FYB1: variants seen among roughly 807,000 people sequenced by gnomAD.
FYB1 encodes the protein FYN-binding protein 1.
A neutral mutation model predicts 94.1 loss-of-function variants in FYB1; 41 were observed. The observed-to-expected ratio is 0.44, with a 90% CI of 0.34 to 0.57. The LOEUF (loss-of-function observed/expected upper bound fraction) is 0.57, where lower values mean the gene tolerates loss of function less well. Among genes scored for constraint, FYB1 ranks in the 20% least tolerant of loss-of-function variants. The pLI, the probability that FYB1 is intolerant of heterozygous loss-of-function variation, is 0.02. For synonymous variants in FYB1, 367 were observed against 353.2 expected, an observed-to-expected ratio of 1.04 and a Z score of -0.44; for missense variants, 1,050 against 976.8, an observed-to-expected ratio of 1.07 and a Z score of -1.00.
chr5:39,199,999 G>A (rs1166275542), intron 2 of FYB1, among the ~76,000 whole-genome samples: 1 of 152,212 alleles, frequency 6.6e-6, no homozygotes, highest in Non-Finnish European at 1.5e-5. Context: ...ATTTGTGGAA[G>A]AGGTGAATGA....
intron 1 of FYB1, among the ~76,000 whole-genome samples, chr5:39,268,425 T>A (rs1752526414): frequency 6.6e-6 from 1 of 152,020 alleles, no homozygotes; most frequent in African/African-American, 2.4e-5. Context: ...TTTATAGAGA[T>A]GACATCTTGC....
intron 1 of FYB1, among the ~76,000 whole-genome samples, chr5:39,204,597 G>GA (rs1748678454): frequency 6.6e-6 from 1 of 152,178 alleles, no homozygotes. Flanking sequence ...GGGCTCTGAA[G>GA]TCCAGAAAAT....
chr5:39,249,674 A>T (rs757892313), intron 1 of FYB1, among the ~76,000 whole-genome samples: 37 of 152,162 alleles, frequency 2.4e-4, no homozygotes, highest in Non-Finnish European at 3.2e-4. Flanking sequence ...AGAGAAAATG[A>T]TGTGTATGTG....
At chr5:39,197,845 G>A (rs924369368) in intron 2 of FYB1, among the ~76,000 whole-genome samples, 3 of 152,152 alleles carry the variant, frequency 2.0e-5, no homozygotes, top group South Asian at 2.1e-4. Flanking sequence ...GCATCTGAGC[G>A]CAGAAATTTC....
chr5:39,233,846 A>T (rs1452792754), intron 1 of FYB1, among the ~76,000 whole-genome samples: 2 of 152,134 alleles, frequency 1.3e-5, no homozygotes, highest in Admixed American at 1.3e-4. Context: ...GTATCTAGAA[A>T]ATTCCACTGA....
At chr5:39,272,329 T>C (rs775219890) in intron 1 of FYB1, among the ~76,000 whole-genome samples, 63 of 152,258 alleles carry the variant, frequency 4.1e-4, no homozygotes, top group Non-Finnish European at 6.8e-4. Flanking sequence ...CACTGTTCTC[T>C]ACTAAGTTAA....
At chr5:39,131,651 T>A (rs1379183579) in intron 9 of FYB1, among the ~76,000 whole-genome samples, 1 of 152,224 alleles carries the variant, frequency 6.6e-6, no homozygotes, top group Non-Finnish European at 1.5e-5. Flanking sequence ...GAAGTTGCAG[T>A]ACACTGTCTG....
intron 1 of FYB1, among the ~76,000 whole-genome samples, chr5:39,257,793 A>C (rs1448365988): frequency 6.6e-6 from 1 of 150,986 alleles, no homozygotes; most frequent in Non-Finnish European, 1.5e-5. Context: ...GGATGTTTCA[A>C]TCATTTGGAG....
rs112290344 is a variant in FYB1 at position 39,202,812 on chromosome 5, C to T, written c.149G>A (p.Gly50Glu). The T allele has an allele frequency of 3.1e-6, 5 of 1,613,912 alleles. No homozygotes were observed. Among genetic ancestry groups the T allele is most frequent in the African/African-American group, 1.3e-5 (1 of 75,010 alleles). Residue 50 changes from glycine to glutamate, a missense_variant, in exon 2 of 19, where the codon GGA (glycine) becomes GAA (glutamate). Coordinates refer to ENST00000512982, the MANE Select transcript of FYB1 (RefSeq NM_001465.6). ...NNQGNASPPA[G>E]PSNVPKFGSP... is the part of the protein sequence containing the mutation. ...CCCAAACTTAGGTACATTGCTGGGTCCTGCAGGAGGGCTGGCATTTCCTTG... is the reference window on the plus strand; with the variant it reads ...CCCAAACTTAGGTACATTGCTGGGTTCTGCAGGAGGGCTGGCATTTCCTTG...
At chr5:39,264,776 T>C (rs891511442) in intron 1 of FYB1, among the ~76,000 whole-genome samples, 4 of 152,172 alleles carry the variant, frequency 2.6e-5, no homozygotes, top group Admixed American at 6.5e-5. Flanking sequence ...TAAGCTGCTG[T>C]AGTGATTCCC....
intron 1 of FYB1, among the ~76,000 whole-genome samples, chr5:39,272,024 T>C (rs1752682173): frequency 6.6e-6 from 1 of 151,774 alleles, no homozygotes; most frequent in Admixed American, 6.6e-5. Context: ...AAAGTGCAGA[T>C]ACAGCTTAGG....
chr5:39,261,075 A>T (rs1467716321), intron 1 of FYB1, among the ~76,000 whole-genome samples: 1 of 152,082 alleles, frequency 6.6e-6, no homozygotes. Flanking sequence ...CAATCACAGG[A>T]ACAGAAAACC....
intron 2 of FYB1, among the ~76,000 whole-genome samples, chr5:39,176,457 A>G (rs1418321984): frequency 6.6e-6 from 1 of 152,010 alleles, no homozygotes; most frequent in East Asian, 1.9e-4. Context: ...GCCCCAAGTC[A>G]TTTTTATATT....
intron 2 of FYB1, among the ~76,000 whole-genome samples, chr5:39,185,174 A>T (rs1561229288): frequency 1.3e-5 from 2 of 152,132 alleles, no homozygotes; most frequent in Non-Finnish European, 1.5e-5. Context: ...CTATTTCAAG[A>T]ATTGAGAAGC....
chr5:39,221,180 C>T (rs1424862894), upstream of FYB1, among the ~76,000 whole-genome samples: 1 of 152,054 alleles, frequency 6.6e-6, no homozygotes, highest in Non-Finnish European at 1.5e-5. Flanking sequence ...CTTGGTGTGT[C>T]CTAAAAGAGG....
chr5:39,138,912 T>C, intron 5 of FYB1: 2 of 581,220 alleles, frequency 3.4e-6, no homozygotes, highest in South Asian at 1.9e-5. Flanking sequence ...GTATGTAAGT[T>C]TGGCTTATTT....
At chr5:39,172,168 G>A (rs1353531804) in intron 2 of FYB1, among the ~76,000 whole-genome samples, 3 of 152,092 alleles carry the variant, frequency 2.0e-5, no homozygotes, top group East Asian at 1.9e-4. Context: ...AATTTTGGCC[G>A]GGTGTGGTGG....
chr5:39,265,060 G>A (rs538888758), intron 1 of FYB1, among the ~76,000 whole-genome samples: 1 of 152,192 alleles, frequency 6.6e-6, no homozygotes, highest in Non-Finnish European at 1.5e-5. Context: ...TTTTGGCCGG[G>A]TTCGGTGGCT....
At position 39,202,151 on chromosome 5, in the gene FYB1, C is replaced by T. The variant is rs769019774; in HGVS notation, c.810G>A (p.Arg270=). The change falls in exon 2 of 19, where the codon AGG becomes AGA. Residue 270 remains arginine (R), a synonymous_variant. Transcript: ENST00000512982. ...CATTTTTGGAGAGACCTGGGCCTCC[C>T]CTGCTCGCAGCAGGTTTCAAAACCA... ...PGVVLKPAAS[R]GGPGLSKNGE... is the part of the protein sequence containing the mutation. 1.2e-6 allele frequency: 2 copies of T among 1,613,966 alleles called. No homozygotes were observed. The highest frequency in any genetic ancestry group is 2.2e-5 in the East Asian group (1 of 44,872).
Sources: gnomAD v4.1 joint callset for allele counts (sites outside exome capture counted in the v4.1 genomes callset) on GRCh38, gnomAD v4.1.1 for gene constraint, MANE v1.5 for transcripts, NCBI Gene and HGNC (gene_info 2026-07-23, HGNC 2026-07-21) for gene names.